Variants in NLGN1 observed in about 807,000 individuals in gnomAD.
NLGN1 encodes neuroligin 1.
Under a neutral mutation model 65.5 loss-of-function variants are expected in NLGN1, and 12 were observed. That is an observed-to-expected ratio of 0.18 (90% confidence interval 0.12 to 0.30). The LOEUF is 0.30. Ranked by LOEUF, NLGN1 falls within the 10% of genes least tolerant of loss-of-function variation. The pLI is 1.00. For synonymous variants in NLGN1, 350 were observed against 359.5 expected, an observed-to-expected ratio of 0.97 and a Z score of 0.30; for missense variants, 750 against 1,007.1, an observed-to-expected ratio of 0.74 and a Z score of 3.46.
intron 3 of NLGN1, among the ~76,000 whole-genome samples, chr3:173,726,951 AAAG>A (rs1026536000): frequency 2.0e-5 from 3 of 151,596 alleles, no homozygotes; most frequent in Admixed American, 6.6e-5. Context: ...AAAAAAAAAA[AAAG>A]AAGAAGAAGA....
intron 4 of NLGN1, among the ~76,000 whole-genome samples, chr3:174,185,298 C>T (rs1561241180): frequency 6.6e-6 from 1 of 152,130 alleles, no homozygotes; most frequent in Non-Finnish European, 1.5e-5. Context: ...CCTCATCCCA[C>T]ACATTGTCTA....
At chr3:173,721,476 AG>A (rs1187885555) in intron 3 of NLGN1, among the ~76,000 whole-genome samples, 1 of 152,200 alleles carries the variant, frequency 6.6e-6, no homozygotes, top group Non-Finnish European at 1.5e-5. Context: ...CAAATTTCTC[AG>A]GTTTGGTCAC....
exon 4 of NLGN1, chr3:173,807,812 A>G: frequency 1.2e-6 from 2 of 1,613,604 alleles, no homozygotes; most frequent in Non-Finnish European, 8.5e-7. Context: ...ATCACAGTCA[A>G]CTATCGACTT....
At chr3:173,559,059 G>A (rs1333688693) in intron 2 of NLGN1, among the ~76,000 whole-genome samples, 1 of 152,164 alleles carries the variant, frequency 6.6e-6, no homozygotes, top group Non-Finnish European at 1.5e-5. Flanking sequence ...GCTACCATCA[G>A]TATTGCCTCT....
At chr3:173,718,440 T>C (rs1770247246) in intron 3 of NLGN1, among the ~76,000 whole-genome samples, 1 of 152,156 alleles carries the variant, frequency 6.6e-6, no homozygotes, top group Non-Finnish European at 1.5e-5. Flanking sequence ...CATAATGACC[T>C]CCAGTTCCAT....
chr3:173,832,051 A>T (rs935190361), intron 4 of NLGN1, among the ~76,000 whole-genome samples: 4 of 151,508 alleles, frequency 2.6e-5, no homozygotes, highest in Admixed American at 6.6e-5. Flanking sequence ...TCAACCTCCC[A>T]GGCTTACGCG....
At chr3:173,461,997 A>G (rs890618105) in intron 2 of NLGN1, among the ~76,000 whole-genome samples, 2 of 152,202 alleles carry the variant, frequency 1.3e-5, no homozygotes, top group Non-Finnish European at 2.9e-5. Flanking sequence ...TCTATGGTGA[A>G]TGAACATTTT....
rs185480089 is a variant in NLGN1 at position 173,473,494 on chromosome 3, T to C, written c.-321+38416T>C. Among the ~76,000 whole-genome samples the C allele has an allele frequency of 8.6e-4, 131 of 152,310 alleles. 1 individual carries two copies. The highest frequency in any genetic ancestry group is 8.6e-3 in the Admixed American group (131 of 15,294). On this transcript the variant is annotated intron_variant, in intron 2 of 6. Coordinates refer to ENST00000457714, the Ensembl canonical transcript of NLGN1. ...CTTTCCCTTTTTTAACCTTCAAATA[T>C]GGACCTTGAAGTTCAGGAAGACAGA...
intron 2 of NLGN1, among the ~76,000 whole-genome samples, chr3:173,568,255 T>G (rs1351774931): frequency 1.3e-5 from 2 of 151,946 alleles, no homozygotes; most frequent in Non-Finnish European, 2.9e-5. Context: ...TCCTTTTCTT[T>G]TTTTTCTTGA....
intron 4 of NLGN1, among the ~76,000 whole-genome samples, chr3:174,007,539 A>C (rs144161899): frequency 2.3e-4 from 35 of 152,320 alleles, no homozygotes; most frequent in African/African-American, 7.9e-4. Context: ...GGAAATATTT[A>C]GTTTATATCC....
At chr3:173,418,854 T>C (rs766971441) in intron 1 of NLGN1, among the ~76,000 whole-genome samples, 1 of 151,942 alleles carries the variant, frequency 6.6e-6, no homozygotes, top group African/African-American at 2.4e-5. Flanking sequence ...TGTTATTAAG[T>C]ATGATATAAG....
chr3:174,088,095 TATAAA>T (rs1743763817), intron 4 of NLGN1, among the ~76,000 whole-genome samples: 2 of 152,192 alleles, frequency 1.3e-5, no homozygotes, highest in South Asian at 4.1e-4. Context: ...AATGCCAAGA[TATAAA>T]ATAAAGTAAT....
At chr3:173,786,551 TAC>T (rs71635772) in intron 3 of NLGN1, among the ~76,000 whole-genome samples, 6 of 151,002 alleles carry the variant, frequency 4.0e-5, no homozygotes, top group East Asian at 1.9e-4. Flanking sequence ...ATGTGTGTAA[TAC>T]ACACACACAC....
At chr3:173,885,313 A>G (rs1234055633) in intron 4 of NLGN1, among the ~76,000 whole-genome samples, 4 of 152,138 alleles carry the variant, frequency 2.6e-5, no homozygotes, top group African/African-American at 4.8e-5. Flanking sequence ...TTTCAAACAT[A>G]TGATATCTGC....
At chr3:173,590,618 G>A (rs1748322229) in intron 2 of NLGN1, among the ~76,000 whole-genome samples, 1 of 152,102 alleles carries the variant, frequency 6.6e-6, no homozygotes, top group Non-Finnish European at 1.5e-5. Context: ...AATGAAAATC[G>A]ACTTGTGTTC....
chr3:174,068,737 C>T (rs1343954193), intron 4 of NLGN1, among the ~76,000 whole-genome samples: 5 of 152,196 alleles, frequency 3.3e-5, no homozygotes, highest in South Asian at 4.2e-4. Context: ...GTCACCATTT[C>T]GCTTTAATCA....
At chr3:173,451,168 G>T (rs539647545) in intron 2 of NLGN1, among the ~76,000 whole-genome samples, 1 of 152,228 alleles carries the variant, frequency 6.6e-6, no homozygotes, top group East Asian at 1.9e-4. Context: ...TTTCTGCTCT[G>T]TTTTTTCCTC....
At chr3:173,768,747 T>C (rs1178784722) in intron 3 of NLGN1, among the ~76,000 whole-genome samples, 2 of 152,094 alleles carry the variant, frequency 1.3e-5, no homozygotes, top group East Asian at 3.9e-4. Context: ...TTATCAAAAG[T>C]AAAACAGCCC....
intron 4 of NLGN1, among the ~76,000 whole-genome samples, chr3:174,243,183 A>C (rs1166919302): frequency 6.6e-6 from 1 of 152,200 alleles, no homozygotes; most frequent in African/African-American, 2.4e-5. Flanking sequence ...ACATATAGAC[A>C]TTTCTAATAC....
Sources: allele counts gnomAD v4.1 joint callset (sites outside exome capture counted in the v4.1 genomes callset), GRCh38; gene constraint gnomAD v4.1.1; transcripts MANE v1.5; gene names NCBI Gene and HGNC (gene_info 2026-07-23, HGNC 2026-07-21).